NLRP7: variants seen among roughly 807,000 people sequenced by gnomAD.
NLRP7 encodes NACHT, LRR and PYD domains-containing protein 7.
NLRP7 carries 72 observed loss-of-function variants against 85.5 expected under a neutral mutation model. The observed-to-expected ratio is 0.84, with a 90% CI of 0.70 to 1.02. The LOEUF (loss-of-function observed/expected upper bound fraction) is 1.02, where lower values mean the gene tolerates loss of function less well. Ranked by LOEUF, NLRP7 falls within the 50% of genes least tolerant of loss-of-function variation. NLRP7 has a pLI of 0.00. For synonymous variants in NLRP7, 550 were observed against 505.2 expected (o/e 1.09, Z -1.19); for missense variants, 1,243 against 1,219.5 (o/e 1.02, Z -0.29).
At chr19:54,933,910 C>T (rs1394663310) in intron 7 of NLRP7, among the ~76,000 whole-genome samples, 171 bp from the exon 8 acceptor site, 1 of 152,132 alleles carries the variant, frequency 6.6e-6, no homozygotes, top group Non-Finnish European at 1.5e-5. Context: ...GCGAGAAGGC[C>T]AAGATGCAGC....
Position 54,940,287 on chromosome 19 carries a change from C to T in NLRP7, c.532G>A (p.Gly178Ser), listed in dbSNP as rs781240687. ...GTGGTTTTCCCCACGCCTGCGGGGC[C>T]GTGCAGCACCACCGTGTAAGGTGTT... is the stretch of plus-strand genomic sequence containing the variant. Residue 178 changes from glycine (G) to serine (S), a missense_variant, in exon 4 of 10, where the codon GGC becomes AGC. Gly to Ser is a moderately conservative substitution (Grantham distance 56). Transcript: ENST00000340844. 1.3e-5 allele frequency: 21 copies of T among 1,614,002 alleles called. No homozygotes were observed. The South Asian group carries it at 1.4e-4, about 11-fold the overall frequency.
intron 1 of NLRP7, among the ~76,000 whole-genome samples, chr19:54,957,230 A>G (rs938376602): frequency 6.6e-6 from 1 of 151,682 alleles, no homozygotes. Context: ...CCTGTTGTCC[A>G]GGCTAGTCTC....
chr19:54,963,825 G>GAA (rs1174147459), intron 1 of NLRP7, among the ~76,000 whole-genome samples: 1 of 117,652 alleles, frequency 8.5e-6, no homozygotes, highest in Non-Finnish European at 1.8e-5. Context: ...CTCAGTCTCA[G>GAA]AAAAAAAAAA....
rs61732584 is a variant in NLRP7 at position 54,940,118 on chromosome 19, A to G, written c.701T>C (p.Leu234Ser). 6.6e-4 allele frequency: 1,062 copies of G among 1,614,182 alleles called. 7 individuals carry two copies. The African/African-American group carries it at 0.011, about 17-fold the overall frequency. The change falls in exon 4 of 10, where the codon TTG becomes TCG. Residue 234 changes from leucine (L) to serine (S), a missense_variant. Around this residue, in one of 3 missense-constraint regions of NLRP7, gnomAD observed 591 missense variants for 563.3 expected, o/e 1.05. Coordinates refer to ENST00000340844, the Ensembl canonical transcript of NLRP7. Reference sequence around the variant, plus strand: ...TAGGATGCTTGGAATGTCATCCTGCAATTCAGGCCAGTCTTTGGAGATCAG... The same window carrying G: ...TAGGATGCTTGGAATGTCATCCTGCGATTCAGGCCAGTCTTTGGAGATCAG...
At chr19:54,942,255 CAAAAAAAAAAAAA>C (rs576434793) in intron 1 of NLRP7, among the ~76,000 whole-genome samples, 3 of 59,440 alleles carry the variant, frequency 5.0e-5, no homozygotes, top group East Asian at 8.9e-4. Flanking sequence ...GACTCCGTCT[CAAAAAAAAAAAAA>C]AAAAAAAAAA....
upstream of NLRP7, chr19:54,947,515 A>T: frequency 7.8e-7 from 1 of 1,289,702 alleles, no homozygotes; most frequent in Non-Finnish European, 1.0e-6. Context: ...CCTGCAAAGG[A>T]AACGGATAAA....
chr19:54,933,584 T>C, exon 8 of NLRP7: 1 of 1,614,176 alleles, frequency 6.2e-7, no homozygotes, highest in South Asian at 1.1e-5. Flanking sequence ...GGTCTGCAGT[T>C]TACAATCAGG....
rs11879109 is a variant in NLRP7 at position 54,938,778 on chromosome 19, A to G, written c.1931+110T>C. 9,819 of 1,206,776 alleles carry G rather than the reference A, an allele frequency of 8.1e-3. 438 individuals carry two copies. The African/African-American group carries it at 0.11, about 14-fold the overall frequency. The allele number at this position is 1,206,776 out of a possible 1,614,324, so 74.8% of individuals were successfully genotyped here. On this transcript the variant is annotated intron_variant, in intron 4 of 9. Transcript: ENST00000340844. ...GCCAAGTCGTGTCTCCACGTTGAAC[A>G]TGAAGCTGGAAAGAAGTCCAGCCAG...
chr19:54,929,041 G>A (rs1411931202), intron 9 of NLRP7, among the ~76,000 whole-genome samples: 2 of 152,140 alleles, frequency 1.3e-5, no homozygotes, highest in African/African-American at 4.8e-5. Flanking sequence ...GGTCTGGCTT[G>A]AGGCTTGAAA....
exon 10 of NLRP7, chr19:54,923,754 C>G (rs1452880922): frequency 6.2e-7 from 1 of 1,613,182 alleles, no homozygotes; most frequent in Non-Finnish European, 8.5e-7. Flanking sequence ...CAAAAAAAGT[C>G]ACAGCACGGA....
chr19:54,939,300 C>A lies in NLRP7; in HGVS notation c.1519G>T (p.Glu507Ter), dbSNP rs1356276419. ...AGGTCGGGGTTCTTGAGTCTTTCTT[C>A]TCCGGAAAGCAGCTTCTGTACGTCC... The change falls in exon 4 of 10, where the codon GAA becomes TAA. Residue 507 changes from glutamate to a stop codon, truncating the protein, a stop_gained. Coordinates refer to ENST00000340844, the Ensembl canonical transcript of NLRP7. LOFTEE classifies it high-confidence loss of function. 6.2e-7 allele frequency: 1 copy of A among 1,614,108 alleles called. No homozygotes were observed. Among genetic ancestry groups the A allele is most frequent in the South Asian group, 1.1e-5 (1 of 91,088 alleles).
At chr19:54,939,857 A>G in exon 4 of NLRP7, 1 of 1,613,680 alleles carries the variant, frequency 6.2e-7, no homozygotes, top group Non-Finnish European at 8.5e-7. Flanking sequence ...GAAGCCCTCC[A>G]CCCTTACGTA....
chr19:54,954,905 C>G (rs1330454037), intron 1 of NLRP7, among the ~76,000 whole-genome samples: 1 of 152,006 alleles, frequency 6.6e-6, no homozygotes, highest in African/African-American at 2.4e-5. Context: ...TATGGAGTAG[C>G]TATTCTTTTA....
At chr19:54,927,994 G>A (rs1327667072) in intron 9 of NLRP7, among the ~76,000 whole-genome samples, 1 of 152,104 alleles carries the variant, frequency 6.6e-6, no homozygotes, top group Non-Finnish European at 1.5e-5. Context: ...TTGGGAGGCC[G>A]AGGAGGGTAG....
At chr19:54,935,736 G>T (rs1263896284) in intron 6 of NLRP7, among the ~76,000 whole-genome samples, 2 of 151,612 alleles carry the variant, frequency 1.3e-5, no homozygotes, top group Non-Finnish European at 2.9e-5. Flanking sequence ...TGCAGAGAAG[G>T]TTGCATGCTC....
exon 6 of NLRP7, chr19:54,936,275 G>C: frequency 6.2e-7 from 1 of 1,613,378 alleles, no homozygotes; most frequent in East Asian, 2.2e-5. Context: ...GGTACTGCAG[G>C]TTGCATTTAT....
chr19:54,934,443 A>G lies in NLRP7; in HGVS notation c.2471+46T>C. ...TCAGGTGTTACCCTTTCTCTTCTAT[A>G]GCCCCAGAACTAAACCAGAGCTGCC... On this transcript the variant is annotated intron_variant, in intron 7 of 9. Transcript: ENST00000340844. This position sits in a 1 kb window ranked among gnomAD's most constrained non-coding sequence, Gnocchi z 6.7. The G allele has an allele frequency of 6.3e-7, 1 of 1,598,964 alleles. No individual in the cohort carries two copies. Among genetic ancestry groups the G allele is most frequent in the Non-Finnish European group, 8.6e-7 (1 of 1,166,226 alleles).
At chr19:54,962,957 C>T (rs2070112360) in intron 1 of NLRP7, among the ~76,000 whole-genome samples, 1 of 152,110 alleles carries the variant, frequency 6.6e-6, no homozygotes, top group Admixed American at 6.6e-5. Flanking sequence ...AAGAGCTGGG[C>T]TTCCGGAAGC....
chr19:54,949,532 A>G (rs1215413673), upstream of NLRP7, among the ~76,000 whole-genome samples: 3 of 152,202 alleles, frequency 2.0e-5, no homozygotes, highest in Non-Finnish European at 4.4e-5. Flanking sequence ...AGAGATAAAC[A>G]TGAAAGAGGT....
Sources: allele counts gnomAD v4.1 joint callset (sites outside exome capture counted in the v4.1 genomes callset), GRCh38; gene constraint gnomAD v4.1.1; regional missense constraint gnomAD v4.1.1; non-coding constraint Gnocchi (gnomAD v3.1); transcripts MANE v1.5; gene names NCBI Gene and HGNC (gene_info 2026-07-23, HGNC 2026-07-21).